Variants in GPHN observed in about 807,000 individuals in gnomAD.
The protein encoded by GPHN is gephyrin.
In GPHN, 17 loss-of-function variants were observed where a neutral mutation model predicts 95.5. The observed-to-expected ratio is 0.18, with a 90% confidence interval of 0.12 to 0.27. The LOEUF is 0.27. Among genes scored for constraint, GPHN ranks in the 10% least tolerant of loss-of-function variants. The probability of loss-of-function intolerance (pLI) is 1.00; values close to 1 mark genes in which losing one functional copy is unlikely to be tolerated. For missense variants in GPHN, 660 were observed against 978.1 expected (o/e 0.67, Z 4.34); for synonymous variants, 320 against 322.5 (o/e 0.99, Z 0.08).
chr14:66,942,519 G>A (rs189756053), intron 8 of GPHN, among the ~76,000 whole-genome samples: 81 of 152,306 alleles, frequency 5.3e-4, no homozygotes, highest in Non-Finnish European at 1.3e-4. Context: ...ATAACAAAAT[G>A]TCCAGGGTAG....
the GPHN span, among the ~76,000 whole-genome samples, chr14:67,283,599 A>AT: frequency 9.2e-5 from 14 of 151,636 alleles, no homozygotes; most frequent in African/African-American, 2.4e-4. Flanking sequence ...CCTTCAGGGA[A>AT]TTTTTTTTTA....
the GPHN span, among the ~76,000 whole-genome samples, chr14:67,299,818 AATTATT>A: frequency 1.3e-5 from 2 of 152,156 alleles, no homozygotes. Flanking sequence ...TAATACGGAA[AATTATT>A]ATTGAGCTGA....
At chr14:67,723,176 A>G in the GPHN span, among the ~76,000 whole-genome samples, 4 of 152,156 alleles carry the variant, frequency 2.6e-5, no homozygotes, top group East Asian at 5.8e-4. Context: ...ATGTTTTGGG[A>G]TGGCTTTTTT....
intron 9 of GPHN, among the ~76,000 whole-genome samples, chr14:67,011,126 T>C (rs1173964727): frequency 2.0e-5 from 3 of 152,236 alleles, no homozygotes; most frequent in African/African-American, 7.2e-5. Context: ...CAACAGATAA[T>C]ATAACAAACA....
intron 5 of GPHN, among the ~76,000 whole-genome samples, chr14:66,881,266 T>C (rs1268702135): frequency 6.6e-6 from 1 of 151,900 alleles, no homozygotes; most frequent in African/African-American, 2.4e-5. Context: ...AAAGCTAAAA[T>C]TCATGCTGGC....
the GPHN span, among the ~76,000 whole-genome samples, chr14:67,192,830 C>CTA: frequency 1.8e-3 from 246 of 139,546 alleles, 1 homozygote; most frequent in African/African-American, 5.8e-3. Context: ...ATGTACAGAT[C>CTA]TATATATATA....
chr14:67,302,051 G>C, the GPHN span: 4 of 1,609,538 alleles, frequency 2.5e-6, no homozygotes, highest in Non-Finnish European at 1.7e-6. Flanking sequence ...GTTTATGAAA[G>C]TATTGGCCAG....
At chr14:66,989,429 A>G (rs1454150542) in intron 9 of GPHN, among the ~76,000 whole-genome samples, 1 of 151,848 alleles carries the variant, frequency 6.6e-6, no homozygotes, top group Non-Finnish European at 1.5e-5. Context: ...TGATTTCTGT[A>G]TGGTAATAAG....
At chr14:67,190,016 T>A in the GPHN span, among the ~76,000 whole-genome samples, 1 of 148,102 alleles carries the variant, frequency 6.8e-6, no homozygotes, top group African/African-American at 2.5e-5. Flanking sequence ...AATTTTGTAT[T>A]TTTTTTTTAA....
chr14:66,993,369 A>G (rs1270948652), intron 9 of GPHN, among the ~76,000 whole-genome samples: 1 of 152,196 alleles, frequency 6.6e-6, no homozygotes, highest in Non-Finnish European at 1.5e-5. Flanking sequence ...TTTTCAGAGT[A>G]CAAAGATAAA....
intron 3 of GPHN, among the ~76,000 whole-genome samples, chr14:66,811,788 T>C (rs1566970442): frequency 1.3e-5 from 2 of 152,226 alleles, no homozygotes; most frequent in Admixed American, 6.5e-5. Context: ...AAATAATAGG[T>C]GTTTAAGCTA....
intron 2 of GPHN, among the ~76,000 whole-genome samples, chr14:66,710,799 G>C (rs2069546581): frequency 6.6e-6 from 1 of 152,212 alleles, no homozygotes; most frequent in South Asian, 2.1e-4. Context: ...CTGTAAACTT[G>C]GGAGAGTAAT....
Position 66,785,225 on chromosome 14 carries a change from G to T in GPHN, c.201+8704G>T, listed in dbSNP as rs560635706. ...CTACTAAAAGTACAGGAATATCCAG[G>T]CATGGTGGCACATGCCTGTAGTCCC... is the stretch of plus-strand genomic sequence containing the variant. On this transcript the variant is annotated intron_variant, in intron 3 of 22. Transcript: ENST00000478722. Among the ~76,000 whole-genome samples the T allele has an allele frequency of 5.3e-5, 8 of 152,270 alleles. No individual in the cohort carries two copies. In the East Asian group the frequency reaches 1.5e-3, roughly 29 times the overall value.
chr14:66,850,710 A>G (rs1479568276), intron 4 of GPHN, among the ~76,000 whole-genome samples: 2 of 152,078 alleles, frequency 1.3e-5, no homozygotes, highest in Non-Finnish European at 2.9e-5. Flanking sequence ...GAATTATCTG[A>G]CCCAAAATGT....
the GPHN span, chr14:67,446,163 T>C: frequency 2.4e-6 from 1 of 422,534 alleles, no homozygotes; most frequent in African/African-American, 2.1e-5. Flanking sequence ...TTTTCCCTGA[T>C]GCACTCGGCG....
At chr14:66,708,203 T>A (rs368425556) in intron 2 of GPHN, among the ~76,000 whole-genome samples, 5 of 136,974 alleles carry the variant, frequency 3.7e-5, no homozygotes, top group African/African-American at 1.3e-4. Flanking sequence ...TTTAGAGACA[T>A]CTAAAAACTT....
the GPHN span, chr14:67,533,166 A>C: frequency 1.3e-5 from 2 of 151,594 alleles, no homozygotes; most frequent in African/African-American, 4.9e-5. Flanking sequence ...CGCCCGGCGG[A>C]GCGTTGAATG....
the GPHN span, among the ~76,000 whole-genome samples, chr14:67,524,143 A>T: frequency 2.0e-5 from 3 of 152,022 alleles, no homozygotes; most frequent in Non-Finnish European, 2.9e-5. Flanking sequence ...TTTGATATTT[A>T]TTTTTTTAAT....
At chr14:67,244,260 T>A in the GPHN span, among the ~76,000 whole-genome samples, 1 of 152,240 alleles carries the variant, frequency 6.6e-6, no homozygotes, top group Non-Finnish European at 1.5e-5. Context: ...AATGTATGTA[T>A]ACCTACCTAT....
Sources: allele counts gnomAD v4.1 joint callset (sites outside exome capture counted in the v4.1 genomes callset), GRCh38; gene constraint gnomAD v4.1.1; transcripts MANE v1.5; gene names NCBI Gene and HGNC (gene_info 2026-07-23, HGNC 2026-07-21).